The following PTPRT variants were observed in gnomAD, a reference collection of about 807,000 sequenced individuals.
The protein encoded by PTPRT is protein tyrosine phosphatase receptor type T, also known as receptor-type tyrosine-protein phosphatase T.
In PTPRT, 56 loss-of-function variants were observed where a neutral mutation model predicts 176.8. That is an observed-to-expected ratio of 0.32 (90% CI 0.26 to 0.40). The LOEUF (loss-of-function observed/expected upper bound fraction) is 0.40. PTPRT is among the 10% of genes least tolerant of loss of function. The pLI, the probability that PTPRT is intolerant of heterozygous loss-of-function variation, is 1.00. For synonymous variants in PTPRT, 783 were observed against 739.0 expected (o/e 1.06, Z -0.96); for missense variants, 1,540 against 1,908.2 (o/e 0.81, Z 3.60).
intron 16 of PTPRT, among the ~76,000 whole-genome samples, chr20:42,182,787 T>A (rs970047260): frequency 2.6e-5 from 4 of 152,068 alleles, no homozygotes; most frequent in African/African-American, 9.7e-5. Flanking sequence ...GTCAATACAC[T>A]CGGCTTAAAA....
chr20:42,767,583 C>A (rs2077000423), intron 5 of PTPRT, among the ~76,000 whole-genome samples: 1 of 150,768 alleles, frequency 6.6e-6, no homozygotes, highest in Non-Finnish European at 1.5e-5. Flanking sequence ...AAAAGACTTA[C>A]TATGGATGGA....
intron 2 of PTPRT, among the ~76,000 whole-genome samples, chr20:42,792,492 G>A (rs1003381574): frequency 2.6e-5 from 4 of 152,132 alleles, no homozygotes; most frequent in African/African-American, 9.7e-5. Flanking sequence ...ACCAAAGCAG[G>A]TGGCAAAACA....
Position 42,118,290 on chromosome 20 carries a change from C to T in PTPRT, c.2982+113G>A, listed in dbSNP as rs1285477204. 6.0e-5 allele frequency: 49 copies of T among 815,898 alleles called. No individual in the cohort carries two copies. In the South Asian group the frequency reaches 9.6e-4, roughly 16 times the overall value. 50.5% of individuals were successfully genotyped at this position (815,898 alleles called of 1,614,324 possible). On this transcript the variant is annotated intron_variant, in intron 21 of 30. Transcript: ENST00000373187. ...GTGATGACACCTCCCTTGTAGGTTGCCGTGAGGGTGAAATACTGACTAGGA... is the reference window on the plus strand; with the variant it reads ...GTGATGACACCTCCCTTGTAGGTTGTCGTGAGGGTGAAATACTGACTAGGA...
At chr20:42,979,990 T>TGGGGGGGG (rs34988665) in intron 1 of PTPRT, among the ~76,000 whole-genome samples, 1 of 55,582 alleles carries the variant, frequency 1.8e-5, no homozygotes, top group African/African-American at 6.9e-5. Context: ...GAAGGGGGGG[T>TGGGGGGGG]GGGGGGGGGT....
At chr20:42,134,465 G>C (rs1988278140) in intron 18 of PTPRT, among the ~76,000 whole-genome samples, 1 of 152,166 alleles carries the variant, frequency 6.6e-6, no homozygotes, top group Non-Finnish European at 1.5e-5. Flanking sequence ...GCAAGAGCTG[G>C]CTGTGGCGAG....
intron 12 of PTPRT, among the ~76,000 whole-genome samples, chr20:42,306,696 C>G (rs6072679): frequency 0.41 from 62,980 of 152,012 alleles, 13,470 homozygotes; most frequent in Non-Finnish European, 0.47. Flanking sequence ...ATGGGTGGTA[C>G]AGGTCTAAGG....
At chr20:42,609,175 G>C (rs968296556) in intron 7 of PTPRT, among the ~76,000 whole-genome samples, 1 of 152,134 alleles carries the variant, frequency 6.6e-6, no homozygotes, top group African/African-American at 2.4e-5. Flanking sequence ...CTGGGTTCAA[G>C]TGATTCTCCT....
At chr20:42,211,317 G>C (rs1203531974) in intron 15 of PTPRT, among the ~76,000 whole-genome samples, 1 of 151,182 alleles carries the variant, frequency 6.6e-6, no homozygotes, top group African/African-American at 2.4e-5. Context: ...AAACTAAAGA[G>C]CTTCTGCACA....
chr20:42,192,358 T>C (rs1013985773), intron 16 of PTPRT, among the ~76,000 whole-genome samples: 1 of 152,194 alleles, frequency 6.6e-6, no homozygotes, highest in African/African-American at 2.4e-5. Context: ...CCTATTTGAA[T>C]TGCTTTAGTT....
At chr20:42,984,142 A>T (rs533292259) in intron 1 of PTPRT, among the ~76,000 whole-genome samples, 1 of 152,384 alleles carries the variant, frequency 6.6e-6, no homozygotes, top group African/African-American at 2.4e-5. Flanking sequence ...ACAGCTCCCC[A>T]TATATAAGCA....
At chr20:42,694,359 C>T (rs966012351) in intron 6 of PTPRT, among the ~76,000 whole-genome samples, 10 of 152,172 alleles carry the variant, frequency 6.6e-5, no homozygotes, top group South Asian at 2.1e-4. Flanking sequence ...TTTGTGTGCA[C>T]GGATAGTTCA....
chr20:42,502,911 T>C (rs1365053891), intron 7 of PTPRT, among the ~76,000 whole-genome samples: 1 of 152,138 alleles, frequency 6.6e-6, no homozygotes, highest in Admixed American at 6.6e-5. Context: ...GCAATTTGCA[T>C]TCTCATGAGG....
At chr20:42,096,789 A>G (rs1444216519) in intron 27 of PTPRT, among the ~76,000 whole-genome samples, 1 of 140,468 alleles carries the variant, frequency 7.1e-6, no homozygotes. Context: ...TTGTAGAGAC[A>G]GGGTCTCATG....
At chr20:42,827,294 C>A (rs1232463593) in intron 2 of PTPRT, among the ~76,000 whole-genome samples, 1 of 152,106 alleles carries the variant, frequency 6.6e-6, no homozygotes, top group Non-Finnish European at 1.5e-5. Context: ...AAAGTGAACA[C>A]AATATGACAT....
intron 15 of PTPRT, among the ~76,000 whole-genome samples, chr20:42,213,148 C>T (rs535137953): frequency 1.3e-5 from 2 of 152,280 alleles, no homozygotes; most frequent in South Asian, 2.1e-4. Flanking sequence ...GCAAGTTCAC[C>T]GGCCCTGCCC....
intron 6 of PTPRT, among the ~76,000 whole-genome samples, chr20:42,719,272 G>A (rs972465614): frequency 7.9e-5 from 12 of 152,130 alleles, no homozygotes; most frequent in African/African-American, 2.7e-4. Context: ...AATGAGATTG[G>A]ATAGACTCAC....
At chr20:43,015,370 T>C (rs1253457480) in intron 1 of PTPRT, among the ~76,000 whole-genome samples, 2 of 152,240 alleles carry the variant, frequency 1.3e-5, no homozygotes, top group Non-Finnish European at 2.9e-5. Flanking sequence ...TGTGCAAAAG[T>C]GCTAACTCCA....
intron 2 of PTPRT, among the ~76,000 whole-genome samples, chr20:42,864,820 C>A (rs1182019436): frequency 2.0e-5 from 3 of 152,148 alleles, no homozygotes; most frequent in Non-Finnish European, 4.4e-5. Flanking sequence ...TATTATTTTC[C>A]ATATTGCAAA....
chr20:42,469,824 A>G (rs888371647), intron 8 of PTPRT, among the ~76,000 whole-genome samples: 1 of 152,106 alleles, frequency 6.6e-6, no homozygotes, highest in African/African-American at 2.4e-5. Context: ...CAGATCTAGG[A>G]TGGGACATGG....
Sources: gnomAD v4.1 joint callset for allele counts (sites outside exome capture counted in the v4.1 genomes callset) on GRCh38, gnomAD v4.1.1 for gene constraint, MANE v1.5 for transcripts, NCBI Gene and HGNC (gene_info 2026-07-23, HGNC 2026-07-21) for gene names.